The following SLC12A7 variants were observed in gnomAD, a reference collection of about 807,000 sequenced individuals.
SLC12A7 encodes solute carrier family 12 member 7, also known as K-Cl cotransporter 4.
Under a neutral mutation model 120.6 loss-of-function variants are expected in SLC12A7, and 100 were observed. That is an observed-to-expected ratio of 0.83 (90% CI 0.71 to 0.98). The LOEUF is 0.98. Among genes scored for constraint, SLC12A7 ranks in the 50% least tolerant of loss-of-function variants. The probability of loss-of-function intolerance (pLI) is 0.00; values close to 1 mark genes in which losing one functional copy is unlikely to be tolerated. For missense variants in SLC12A7, 1,373 were observed against 1,548.1 expected (o/e 0.89, Z 1.90); for synonymous variants, 760 against 678.0 (o/e 1.12, Z -1.88).
chr5:1,082,463 T>C (rs1390283459), intron 8 of SLC12A7, among the ~76,000 whole-genome samples: 6 of 135,286 alleles, frequency 4.4e-5, no homozygotes, highest in Non-Finnish European at 4.7e-5. Context: ...GGGCTTCCTC[T>C]CTAGGGTTCT....
the SLC12A7 span, among the ~76,000 whole-genome samples, chr5:1,155,842 G>A: frequency 7.2e-4 from 109 of 151,394 alleles, 1 homozygote; most frequent in Non-Finnish European, 7.4e-5. Flanking sequence ...CCCGCCGCGG[G>A]GGTCACCACG....
At chr5:1,135,592 A>G in the SLC12A7 span, among the ~76,000 whole-genome samples, 3 of 152,204 alleles carry the variant, frequency 2.0e-5, no homozygotes, top group Non-Finnish European at 4.4e-5. Context: ...CTCCAAAACA[A>G]GTCTAGGGCG....
rs1579296576 is a variant in SLC12A7 at position 1,051,029 on chromosome 5, G to GTAAC, written c.*1327_*1330dup. Reference sequence around the variant, plus strand: ...TCTTTATGGACAACCTTGTTACCACGTAACTCCCTGGGGTGTTTAAATAAA... The same window carrying GTAAC: ...TCTTTATGGACAACCTTGTTACCACGTAACTAACTCCCTGGGGTGTTTAAATAAA... On this transcript the variant is annotated 3_prime_UTR_variant, in exon 24 of 24. Transcript: ENST00000264930. 5.0e-6 allele frequency: 2 copies of GTAAC among 397,028 alleles called. No individual in the cohort carries two copies. The highest frequency in any genetic ancestry group is 7.1e-5 in the East Asian group (2 of 28,086). 24.6% of individuals were successfully genotyped at this position (397,028 alleles called of 1,614,324 possible). A position where few individuals can be genotyped will look rare whatever the true frequency, so the allele number is the denominator to read the frequency against.
the SLC12A7 span, among the ~76,000 whole-genome samples, chr5:1,121,544 G>A: frequency 3.3e-5 from 5 of 152,232 alleles, no homozygotes; most frequent in South Asian, 2.1e-4. Context: ...AGAAGGCAGC[G>A]GCATTGGTGG....
At chr5:1,155,517 C>A in the SLC12A7 span, among the ~76,000 whole-genome samples, 1 of 151,988 alleles carries the variant, frequency 6.6e-6, no homozygotes, top group African/African-American at 2.4e-5. Flanking sequence ...GTCCCCGGAG[C>A]GCGCGGCGGG....
Position 1,073,687 on chromosome 5 carries a change from C to T in SLC12A7, c.2187G>A (p.Ser729=), listed in dbSNP as rs547552720. ...TGTCCAGGTACGTCCCCTCCAGCAC[C>T]GAGCCCACGATGGTCAGGCCCTTGC... is the stretch of plus-strand genomic sequence containing the variant. ...KAGKGLTIVG[S]VLEGTYLDKH... Residue 729 remains serine, a synonymous_variant, in exon 17 of 24, where the codon TCG becomes TCA. Coordinates refer to ENST00000264930, the MANE Select transcript of SLC12A7 (RefSeq NM_006598.3). 68 of 1,589,658 alleles carry T rather than the reference C, an allele frequency of 4.3e-5. 1 individual carries two copies. Among genetic ancestry groups the T allele is most frequent in the African/African-American group, 9.6e-5 (7 of 73,192 alleles).
Position 1,064,082 on chromosome 5 carries a change from C to T in SLC12A7, c.2607+1G>A. ...TGGCGTGTCCCCGTCGCACGCCCCA[C>T]CTTGTGCTGGCGCAGCAGGAAGGGC... On this transcript the variant is annotated splice_donor_variant, in intron 19 of 23. Transcript: ENST00000264930. LOFTEE classifies it high-confidence loss of function. 4 of 1,605,918 alleles carry T rather than the reference C, an allele frequency of 2.5e-6. No homozygotes were observed. The highest frequency in any genetic ancestry group is 3.4e-6 in the Non-Finnish European group (4 of 1,175,510).
At chr5:1,097,631 T>G (rs1451385589) in intron 1 of SLC12A7, among the ~76,000 whole-genome samples, 4 of 152,202 alleles carry the variant, frequency 2.6e-5, no homozygotes, top group Non-Finnish European at 4.4e-5. Flanking sequence ...ACTCTGTCCT[T>G]CTGCTGCTTA....
At chr5:1,128,471 GC>G in the SLC12A7 span, among the ~76,000 whole-genome samples, 1 of 152,226 alleles carries the variant, frequency 6.6e-6, no homozygotes, top group Admixed American at 6.5e-5. Context: ...TACAGATGGA[GC>G]CCCCAACAGG....
At chr5:1,147,836 G>A in the SLC12A7 span, among the ~76,000 whole-genome samples, 21 of 151,984 alleles carry the variant, frequency 1.4e-4, no homozygotes, top group East Asian at 3.9e-4. Context: ...TTGACCTCCC[G>A]GACTGGAGCC....
the SLC12A7 span, among the ~76,000 whole-genome samples, chr5:1,136,610 C>T: frequency 7.6e-6 from 1 of 131,962 alleles, no homozygotes; most frequent in Non-Finnish European, 1.6e-5. Flanking sequence ...CACGCAGACA[C>T]ACGTGTGCTC....
the SLC12A7 span, among the ~76,000 whole-genome samples, chr5:1,139,644 G>C: frequency 1.3e-5 from 2 of 152,376 alleles, no homozygotes; most frequent in African/African-American, 4.8e-5. Flanking sequence ...TTCCTCTGTA[G>C]GCGTCCGCAC....
At chr5:1,073,970 C>T (rs372457562) in intron 16 of SLC12A7, among the ~76,000 whole-genome samples, 169 bp from the exon 17 acceptor site, 3 of 152,018 alleles carry the variant, frequency 2.0e-5, no homozygotes, top group South Asian at 2.1e-4. Flanking sequence ...GATGGGGAAA[C>T]GTGACACACG....
the SLC12A7 span, among the ~76,000 whole-genome samples, chr5:1,140,497 AGG>A: frequency 2.6e-3 from 394 of 151,870 alleles, 1 homozygote; most frequent in African/African-American, 9.1e-3. Context: ...CCTGCTGGTG[AGG>A]GGGGGTGCTC....
At chr5:1,068,296 G>T (rs944711186) in intron 17 of SLC12A7, among the ~76,000 whole-genome samples, 2 of 152,186 alleles carry the variant, frequency 1.3e-5, no homozygotes, top group African/African-American at 4.8e-5. Context: ...TGAGCCGGGC[G>T]TGGTGGTGGG....
intron 17 of SLC12A7, among the ~76,000 whole-genome samples, chr5:1,069,285 G>T (rs182396904): frequency 6.6e-5 from 10 of 152,346 alleles, no homozygotes; most frequent in Admixed American, 6.5e-4. Flanking sequence ...ACCACCTGAG[G>T]CTGCTACCAT....
chr5:1,051,947 C>T lies in SLC12A7; in HGVS notation c.*413G>A. 1 of 199,600 alleles carries T rather than the reference C, an allele frequency of 5.0e-6. No individual in the cohort carries two copies. Among genetic ancestry groups the T allele is most frequent in the Non-Finnish European group, 1.0e-5 (1 of 98,788 alleles). 12.4% of individuals were successfully genotyped at this position (199,600 alleles called of 1,614,324 possible). A position where few individuals can be genotyped will look rare whatever the true frequency, so the allele number is the denominator to read the frequency against. On this transcript the variant is annotated 3_prime_UTR_variant, in exon 24 of 24. Coordinates refer to ENST00000264930, the MANE Select transcript of SLC12A7 (RefSeq NM_006598.3). ...GTTTCACCTTCATCATCAGGGACAG[C>T]TTCAGCTCCGGGTGCTCTTCCAAGA...
At chr5:1,113,236 G>A (rs2150917675), upstream of SLC12A7, among the ~76,000 whole-genome samples, 1 of 152,358 alleles carries the variant, frequency 6.6e-6, no homozygotes, top group South Asian at 2.1e-4. Context: ...GGTGGTGTGG[G>A]CAAACACGGC....
intron 6 of SLC12A7, 105 bp downstream of exon 6, chr5:1,086,798 G>A: frequency 6.8e-7 from 1 of 1,474,530 alleles, no homozygotes; most frequent in Non-Finnish European, 9.3e-7. Context: ...AGTGGGGTCA[G>A]GATGGCTCAG....
Sources: gnomAD v4.1 joint callset for allele counts (sites outside exome capture counted in the v4.1 genomes callset) on GRCh38, gnomAD v4.1.1 for gene constraint, MANE v1.5 for transcripts, NCBI Gene and HGNC (gene_info 2026-07-23, HGNC 2026-07-21) for gene names.